Variants in RBBP8 observed in about 807,000 individuals in gnomAD.
RBBP8 encodes DNA endonuclease RBBP8.
In RBBP8, 88 loss-of-function variants were observed where a neutral mutation model predicts 108.3. The observed-to-expected ratio is 0.81, with a 90% CI of 0.68 to 0.97. The LOEUF is 0.97. Ranked by LOEUF, RBBP8 falls within the 50% of genes least tolerant of loss-of-function variation. RBBP8 has a pLI of 0.00. For synonymous variants in RBBP8, 332 were observed against 348.2 expected (o/e 0.95, Z 0.52); for missense variants, 1,023 against 1,049.0 (o/e 0.98, Z 0.34).
intron 4 of RBBP8, among the ~76,000 whole-genome samples, chr18:22,958,432 T>G (rs1912776496): frequency 6.6e-6 from 1 of 152,358 alleles, no homozygotes; most frequent in African/African-American, 2.4e-5. Flanking sequence ...TATTTAAATG[T>G]TTTTTTCTAG....
intron 3 of RBBP8, among the ~76,000 whole-genome samples, chr18:22,927,274 CACTT>C (rs2144350871): frequency 6.6e-6 from 1 of 152,264 alleles, no homozygotes; most frequent in South Asian, 2.1e-4. Flanking sequence ...AGGATTTAAT[CACTT>C]ACTTTTTAAT....
At position 22,992,969 on chromosome 18, in the gene RBBP8, A is replaced by G. The variant is rs1915800208; in HGVS notation, c.1142A>G (p.Asp381Gly). 9.9e-6 allele frequency: 16 copies of G among 1,613,700 alleles called. No homozygotes were observed. Among genetic ancestry groups the G allele is most frequent in the Non-Finnish European group, 1.4e-5 (16 of 1,179,568 alleles). The change falls in exon 11 of 19, where the codon GAT becomes GGT. Residue 381 changes from aspartate to glycine, a missense_variant. Coordinates refer to ENST00000327155, the MANE Select transcript of RBBP8 (RefSeq NM_002894.3). Reference protein sequence around the residue: ...RLEKTRSKSEDSALFTHHSLG... With the variant: ...RLEKTRSKSEGSALFTHHSLG... ...GAAAAAACTAGATCAAAATCTGAAG[A>G]TAGTGCCCTTTTCACACATCACAGT...
intron 6 of RBBP8, among the ~76,000 whole-genome samples, chr18:22,980,362 TG>T (rs1195592064): frequency 6.6e-6 from 1 of 152,150 alleles, no homozygotes; most frequent in Admixed American, 6.5e-5. Flanking sequence ...CTAGGGTGTG[TG>T]AAGGGAGGTT....
At position 22,949,682 on chromosome 18, in the gene RBBP8, C is replaced by T. The variant is rs1175077575; in HGVS notation, c.217C>T (p.Leu73Phe). 1 of 1,613,246 alleles carries T rather than the reference C, an allele frequency of 6.2e-7. No homozygotes were observed. The change falls in exon 4 of 19, where the codon CTT becomes TTT. Residue 73 changes from leucine (L) to phenylalanine (F), a missense_variant. Transcript: ENST00000327155. ...NQQLREQQKVLHETIKVLEDR... is the reference protein window; with the variant it reads ...NQQLREQQKVFHETIKVLEDR... ...ACAGCTGAGGGAACAGCAGAAAGTC[C>T]TTCATGAAACCATTAAAGTTTTAGA...
chr18:23,000,197 G>A (rs1421734502), intron 14 of RBBP8, among the ~76,000 whole-genome samples: 1 of 152,190 alleles, frequency 6.6e-6, no homozygotes, highest in African/African-American at 2.4e-5. Flanking sequence ...AGTGCTGTGC[G>A]TTGGGAGAGG....
At chr18:23,008,769 ATTTTTTTT>A (rs71161355) in intron 16 of RBBP8, among the ~76,000 whole-genome samples, 1 of 100,026 alleles carries the variant, frequency 1.0e-5, no homozygotes, top group Admixed American at 1.3e-4. Flanking sequence ...TATGACTTTG[ATTTTTTTT>A]TTTTTTTTTT....
rs187634144 is a variant in RBBP8, at chr18:22,979,219, C to T, written c.429-2999C>T. Among the ~76,000 whole-genome samples, 176 of 152,230 alleles carry T rather than the reference C, an allele frequency of 1.2e-3. 5 individuals carry two copies. The East Asian group carries it at 0.021, about 18-fold the overall frequency. On this transcript the variant is annotated intron_variant, in intron 6 of 18. Coordinates refer to ENST00000327155, the MANE Select transcript of RBBP8 (RefSeq NM_002894.3). ...GGCAGAGGTTGCAGTGCGCTGAGAT[C>T]GCACCACTGCACTCCAGCCTGGGCA...
Position 22,990,953 on chromosome 18 carries a change from T to A in RBBP8, c.824T>A (p.Met275Lys). 6.2e-7 allele frequency: 1 copy of A among 1,613,246 alleles called. No individual in the cohort carries two copies. Among genetic ancestry groups the A allele is most frequent in the East Asian group, 2.2e-5 (1 of 44,856 alleles). ...CTCTTGAAGGAAACTCAAGGTCCCA[T>A]GAGCCCCCTTGGTGATGAGCTCTAC... is the stretch of plus-strand genomic sequence containing the variant. ...VQEESETQGP[M>K]SPLGDELYHC... Residue 275 changes from methionine to lysine, a missense_variant, in exon 10 of 19, where the codon ATG (methionine) becomes AAG (lysine). By Grantham distance (95) the Met-to-Lys change is moderately conservative (BLOSUM62 -1). Transcript: ENST00000327155.
intron 16 of RBBP8, among the ~76,000 whole-genome samples, chr18:23,008,209 A>G (rs1160573030): frequency 6.6e-6 from 1 of 151,858 alleles, no homozygotes; most frequent in African/African-American, 2.4e-5. Flanking sequence ...CTTAAAGCAA[A>G]TTGAAGACAT....
chr18:22,929,925 T>C (rs892789312), upstream of RBBP8, among the ~76,000 whole-genome samples: 1 of 152,208 alleles, frequency 6.6e-6, no homozygotes, highest in African/African-American at 2.4e-5. Flanking sequence ...ACTGATGCCC[T>C]GCATGAAGTT....
chr18:22,954,097 G>A (rs1381364627), intron 4 of RBBP8, among the ~76,000 whole-genome samples: 1 of 151,892 alleles, frequency 6.6e-6, no homozygotes, highest in Non-Finnish European at 1.5e-5. Context: ...ATTTGGGTGG[G>A]GACACAGCCA....
intron 17 of RBBP8, among the ~76,000 whole-genome samples, chr18:23,017,738 G>GTTTTTT (rs2046284903): frequency 7.7e-6 from 1 of 130,180 alleles, no homozygotes; most frequent in African/African-American, 3.2e-5. Flanking sequence ...ACCAATATAA[G>GTTTTTT]TTCTTTTTTT....
chr18:22,925,350 T>C (rs74674782), intron 3 of RBBP8, among the ~76,000 whole-genome samples: 6,984 of 152,314 alleles, frequency 0.046, 312 homozygotes, highest in African/African-American at 0.11. Flanking sequence ...GTACTGAACG[T>C]TGAACATAAA....
intron 2 of RBBP8, among the ~76,000 whole-genome samples, chr18:22,939,060 A>G (rs1488661772): frequency 2.0e-5 from 3 of 152,244 alleles, no homozygotes; most frequent in Non-Finnish European, 2.9e-5. Context: ...CTATGTCCCT[A>G]TGTATGAGAA....
intron 3 of RBBP8, among the ~76,000 whole-genome samples, chr18:22,926,747 C>T (rs761289360): frequency 2.6e-5 from 4 of 152,184 alleles, no homozygotes; most frequent in Non-Finnish European, 4.4e-5. Context: ...CTTATCTAAA[C>T]TGGAAATTGG....
At chr18:22,918,812 T>C (rs1909469839) in intron 3 of RBBP8, among the ~76,000 whole-genome samples, 1 of 152,142 alleles carries the variant, frequency 6.6e-6, no homozygotes, top group African/African-American at 2.4e-5. Context: ...GTGTTCTCCC[T>C]ATGTTTCCCA....
At chr18:22,935,102 C>T (rs1006425490) in intron 1 of RBBP8, among the ~76,000 whole-genome samples, 1 of 151,004 alleles carries the variant, frequency 6.6e-6, no homozygotes, top group African/African-American at 2.4e-5. Context: ...AGAATAAAAA[C>T]CTCTTTGGTA....
chr18:23,013,171 ATAT>A (rs1461633467), intron 16 of RBBP8, among the ~76,000 whole-genome samples: 55 of 152,194 alleles, frequency 3.6e-4, no homozygotes, highest in African/African-American at 1.2e-3. Flanking sequence ...TGAGACAGTG[ATAT>A]TATAGTAGAG....
At chr18:22,925,729 A>C (rs184234616) in intron 3 of RBBP8, among the ~76,000 whole-genome samples, 11 of 152,348 alleles carry the variant, frequency 7.2e-5, no homozygotes, top group African/African-American at 2.6e-4. Flanking sequence ...TCCAAATGTC[A>C]CTGACTTGTT....
Sources: allele counts gnomAD v4.1 joint callset (sites outside exome capture counted in the v4.1 genomes callset), GRCh38; gene constraint gnomAD v4.1.1; transcripts MANE v1.5; gene names NCBI Gene and HGNC (gene_info 2026-07-23, HGNC 2026-07-21).